The following IRAG2 variants were observed in gnomAD, a reference collection of about 807,000 sequenced individuals.
IRAG2 encodes the protein lymphoid restricted membrane protein.
A neutral mutation model predicts 69.9 loss-of-function variants in IRAG2; 45 were observed. The ratio of observed to expected loss-of-function variants is 0.64; its 90% confidence interval spans 0.51 to 0.83. The LOEUF is 0.83. Ranked by LOEUF, IRAG2 falls within the 40% of genes least tolerant of loss-of-function variation. The pLI is 0.00. For missense variants in IRAG2, 520 were observed against 587.0 expected (o/e 0.89, Z 1.18); for synonymous variants, 193 against 202.4 (o/e 0.95, Z 0.40).
chr12:25,089,321 T>C (rs1226889312), intron 11 of IRAG2, among the ~76,000 whole-genome samples: 4 of 152,224 alleles, frequency 2.6e-5, no homozygotes, highest in Non-Finnish European at 5.9e-5. Context: ...GGATCAAGTA[T>C]AGCAAACATG....
chr12:25,100,390 G>A lies in IRAG2; in HGVS notation c.742-788G>A, dbSNP rs138681395. 5.4e-4 allele frequency among the ~76,000 whole-genome samples: 82 copies of A among 152,254 alleles called. No individual in the cohort carries two copies. In the East Asian group the frequency reaches 0.014, roughly 26 times the overall value. ...ATATGACTCAGCAATTTCATTCCTA[G>A]ATGTATACCCAGAAGAATTGAAAAC... is the stretch of plus-strand genomic sequence containing the variant. On this transcript the variant is annotated intron_variant, in intron 15 of 21. Coordinates refer to ENST00000556887, the MANE Select transcript of IRAG2 (RefSeq NM_001366544.2).
At chr12:25,063,684 C>CT (rs141093523) in intron 3 of IRAG2, 36 bp from the exon 4 acceptor site, 29,320 of 398,750 alleles carry the variant, frequency 0.074, 1,222 homozygotes, top group Middle Eastern at 0.12. Flanking sequence ...TGTTACATTC[C>CT]TTTAGATGGC....
intron 3 of IRAG2, among the ~76,000 whole-genome samples, chr12:25,014,716 C>T (rs1387475276): frequency 6.6e-6 from 1 of 151,904 alleles, no homozygotes; most frequent in Non-Finnish European, 1.5e-5. Context: ...GTATCCCTGT[C>T]AATGTATCCC....
At chr12:25,014,569 A>G (rs774371491) in intron 3 of IRAG2, among the ~76,000 whole-genome samples, 9 of 152,056 alleles carry the variant, frequency 5.9e-5, no homozygotes, top group Non-Finnish European at 1.2e-4. Context: ...TGAAATGTTA[A>G]TATGTTTATT....
In IRAG2 at chr12:25,079,763, G is replaced by A. The variant is rs751750714; in HGVS notation, c.244G>A (p.Gly82Ser). Reference protein sequence around the residue: ...RSASPTIEAQGTSPAHDNIAF... With the variant: ...RSASPTIEAQSTSPAHDNIAF... ...AGCTTCTCCCACGATAGAGGCCCAA[G>A]GTAAAATGTTGACAGGTGTAAGCAT... Residue 82 changes from glycine (G) to serine (S), a missense_variant and splice_region_variant, in exon 9 of 22, where the codon GGC becomes AGC. Coordinates refer to ENST00000556887, the MANE Select transcript of IRAG2 (RefSeq NM_001366544.2). The A allele has an allele frequency of 1.7e-5, 27 of 1,601,736 alleles. No homozygotes were observed. The South Asian group carries it at 2.8e-4, about 16-fold the overall frequency.
chr12:25,021,896 T>C (rs888293818), intron 7 of IRAG2, among the ~76,000 whole-genome samples: 3 of 152,174 alleles, frequency 2.0e-5, no homozygotes, highest in African/African-American at 7.2e-5. Context: ...TGCCAGGTCT[T>C]TTGTGACCCT....
intron 6 of IRAG2, among the ~76,000 whole-genome samples, chr12:25,072,278 A>G (rs1946391718): frequency 6.6e-6 from 1 of 152,194 alleles, no homozygotes; most frequent in Non-Finnish European, 1.5e-5. Flanking sequence ...GCCTCCAGTC[A>G]CATGCTCCTG....
chr12:25,029,549 T>C (rs541705624), intron 9 of IRAG2, among the ~76,000 whole-genome samples: 1 of 152,268 alleles, frequency 6.6e-6, no homozygotes, highest in Admixed American at 6.5e-5. Context: ...AATATACATA[T>C]TTATTCATTC....
chr12:25,082,058 C>G (rs1392131771), intron 9 of IRAG2, among the ~76,000 whole-genome samples: 1 of 151,876 alleles, frequency 6.6e-6, no homozygotes, highest in Non-Finnish European at 1.5e-5. Context: ...CCACATTTGA[C>G]TAATTAAAAA....
intron 16 of IRAG2, among the ~76,000 whole-genome samples, chr12:25,046,531 G>A (rs547598161): frequency 3.3e-5 from 5 of 151,932 alleles, no homozygotes; most frequent in African/African-American, 7.3e-5. Context: ...AATAAATTTC[G>A]TTTATATATG....
At chr12:25,100,020 A>AAAAAAAAAAAAAAAC in intron 15 of IRAG2, among the ~76,000 whole-genome samples, 1 of 150,290 alleles carries the variant, frequency 6.7e-6, no homozygotes, top group African/African-American at 2.5e-5. Context: ...AAAAAAAAAA[A>AAAAAAAAAAAAAAAC]AAAAATGGGC....
chr12:25,004,493 C>T (rs747584235), exon 1 of IRAG2: 70 of 1,232,008 alleles, frequency 5.7e-5, no homozygotes, highest in African/African-American at 1.2e-4. Context: ...AGCCCACAGA[C>T]GAACACCAAG....
chr12:25,010,949 A>C (rs182252343), intron 2 of IRAG2, among the ~76,000 whole-genome samples: 11 of 152,362 alleles, frequency 7.2e-5, no homozygotes, highest in Admixed American at 6.5e-4. Flanking sequence ...TTTTAACTAA[A>C]GTAGAGAAAA....
At chr12:25,090,997 G>T (rs1265085105) in intron 14 of IRAG2, 5 of 292,186 alleles carry the variant, frequency 1.7e-5, no homozygotes, top group Non-Finnish European at 3.4e-5. Flanking sequence ...GGGTGCAGAG[G>T]AGTGTAACAA....
chr12:25,025,263 A>G (rs1474281244), intron 8 of IRAG2, among the ~76,000 whole-genome samples: 2 of 152,234 alleles, frequency 1.3e-5, no homozygotes, highest in Non-Finnish European at 2.9e-5. Context: ...TAGGAAAAGC[A>G]GCCTTATGAA....
intron 13 of IRAG2, 47 bp downstream of exon 13, chr12:25,089,837 C>T (rs1947912857): frequency 1.3e-6 from 2 of 1,586,520 alleles, no homozygotes; most frequent in East Asian, 4.5e-5. Context: ...GTGTTCCAGA[C>T]TCACCTGCTA....
intron 7 of IRAG2, among the ~76,000 whole-genome samples, chr12:25,021,536 A>T (rs1046695397): frequency 6.6e-6 from 1 of 151,174 alleles, no homozygotes; most frequent in Non-Finnish European, 1.5e-5. Flanking sequence ...ACAGGCTTAT[A>T]ATTTCAGAGC....
Position 25,079,325 on chromosome 12 carries a change from T to G in IRAG2, c.71+35T>G, listed in dbSNP as rs375421984. The G allele has an allele frequency of 5.0e-5, 81 of 1,611,334 alleles. No homozygotes were observed. The African/African-American group carries it at 1.1e-3, about 21-fold the overall frequency. ...TTTGTGTTGTGTGTGTGAATTTGTA[T>G]GCATATTTAGTTGGTTTTAAGAGAA... is the stretch of plus-strand genomic sequence containing the variant. On this transcript the variant is annotated intron_variant, in intron 7 of 21. Coordinates refer to ENST00000556887, the MANE Select transcript of IRAG2 (RefSeq NM_001366544.2).
chr12:25,060,100 G>C (rs996675318), intron 1 of IRAG2, among the ~76,000 whole-genome samples: 1 of 152,116 alleles, frequency 6.6e-6, no homozygotes, highest in Non-Finnish European at 1.5e-5. Flanking sequence ...TTATATCCTT[G>C]TTTAAGTTTT....
Sources: allele counts gnomAD v4.1 joint callset (sites outside exome capture counted in the v4.1 genomes callset), GRCh38; gene constraint gnomAD v4.1.1; transcripts MANE v1.5; gene names NCBI Gene and HGNC (gene_info 2026-07-23, HGNC 2026-07-21).